The following CALN1 variants were observed in gnomAD, a reference collection of about 807,000 sequenced individuals.
CALN1 encodes calneuron 1.
In CALN1, 17 loss-of-function variants were observed where a neutral mutation model predicts 30.6. The ratio of observed to expected loss-of-function variants is 0.56; its 90% CI spans 0.38 to 0.83. The LOEUF is 0.83. Ranked by LOEUF, CALN1 falls within the 40% of genes least tolerant of loss-of-function variation. The pLI, the probability that CALN1 is intolerant of heterozygous loss-of-function variation, is 0.00. For synonymous variants in CALN1, 156 were observed against 131.4 expected (o/e 1.19, Z -1.28); for missense variants, 291 against 354.9 (o/e 0.82, Z 1.45).
intron 5 of CALN1, among the ~76,000 whole-genome samples, chr7:72,007,628 T>C (rs1482168545): frequency 6.6e-6 from 1 of 152,232 alleles, no homozygotes; most frequent in African/African-American, 2.4e-5. Context: ...AATGCCTATC[T>C]TTCTCCTACC....
chr7:72,057,383 CTTTTTTTTTTTTTT>C (rs60838093), intron 4 of CALN1, among the ~76,000 whole-genome samples: 1 of 101,910 alleles, frequency 9.8e-6, no homozygotes, highest in Non-Finnish European at 1.9e-5. Flanking sequence ...TTTAAATGTT[CTTTTTTTTTTTTTT>C]TTTTTTTGAT....
At chr7:72,347,470 C>T (rs2968512) in intron 2 of CALN1, among the ~76,000 whole-genome samples, 114,843 of 151,706 alleles carry the variant, frequency 0.76, 45,509 homozygotes, top group Non-Finnish European at 0.88. Context: ...TTCTCTATGT[C>T]GGTCAGGCTG....
Position 71,935,968 on chromosome 7 carries a change from G to A in CALN1, c.501+87689C>T, listed in dbSNP as rs889238884. Among the ~76,000 whole-genome samples the A allele has an allele frequency of 4.6e-5, 7 of 152,148 alleles. No homozygotes were observed. In the South Asian group the frequency reaches 1.5e-3, roughly 32 times the overall value. On this transcript the variant is annotated intron_variant, in intron 5 of 6. Transcript: ENST00000395275. ...GCAGTGCAGGCAAGGAGGGAGTGTT[G>A]ACCTGTCAGTGTAGTAGAGACTCCC...
At chr7:72,262,965 T>C (rs1357667366) in intron 3 of CALN1, among the ~76,000 whole-genome samples, 1 of 152,212 alleles carries the variant, frequency 6.6e-6, no homozygotes, top group Admixed American at 6.5e-5. Context: ...ATTCTTCCAT[T>C]TACTGACAGG....
intron 2 of CALN1, among the ~76,000 whole-genome samples, chr7:72,343,392 CA>C (rs1802473144): frequency 6.6e-6 from 1 of 151,892 alleles, no homozygotes; most frequent in Non-Finnish European, 1.5e-5. Flanking sequence ...ACTGTAAATA[CA>C]AAAAATTAGC....
intron 5 of CALN1, among the ~76,000 whole-genome samples, chr7:71,974,417 C>G (rs541988017): frequency 1.1e-4 from 6 of 55,048 alleles, no homozygotes; most frequent in South Asian, 2.4e-3. Context: ...GACTCCATCT[C>G]AAAAAAAAAA....
At chr7:71,944,871 G>A (rs1796328087) in intron 5 of CALN1, among the ~76,000 whole-genome samples, 1 of 152,104 alleles carries the variant, frequency 6.6e-6, no homozygotes, top group Admixed American at 6.6e-5. Context: ...AGAAGAGTTA[G>A]GAGGCAGGAG....
intron 3 of CALN1, among the ~76,000 whole-genome samples, chr7:72,196,203 T>C (rs1790987844): frequency 6.6e-6 from 1 of 152,042 alleles, no homozygotes; most frequent in Admixed American, 6.5e-5. Flanking sequence ...CTGTGACCTC[T>C]GCCTCGTGGA....
chr7:72,499,864 T>C, the CALN1 span, among the ~76,000 whole-genome samples: 1 of 60,718 alleles, frequency 1.6e-5, no homozygotes, highest in South Asian at 4.8e-4. Context: ...TTTCTTTCTT[T>C]CTTTCTTTCT....
At position 72,213,415 on chromosome 7, in the gene CALN1, G is replaced by T. The variant is rs144720258; in HGVS notation, c.244+65271C>A. On this transcript the variant is annotated intron_variant, in intron 3 of 6. Coordinates refer to ENST00000395275, the MANE Select transcript of CALN1 (RefSeq NM_031468.4). The stretch of plus-strand genomic sequence containing the variant: ...GGCACATCTACAGAAGCAGAAAATA[G>T]ATTAGTGGTTGCCTGGGGCTGGGAG... Among the ~76,000 whole-genome samples, 3 of 152,302 alleles carry T rather than the reference G, an allele frequency of 2.0e-5. No individual in the cohort carries two copies. In the East Asian group the frequency reaches 5.8e-4, roughly 29 times the overall value.
intron 6 of CALN1, among the ~76,000 whole-genome samples, chr7:71,795,077 C>G (rs559554691): frequency 6.7e-5 from 10 of 148,184 alleles, no homozygotes; most frequent in South Asian, 2.1e-4. Context: ...GGCTGGAGTG[C>G]AGTGGCACGA....
chr7:72,041,366 G>C (rs1449067177), intron 4 of CALN1, among the ~76,000 whole-genome samples: 1 of 151,822 alleles, frequency 6.6e-6, no homozygotes, highest in Non-Finnish European at 1.5e-5. Context: ...CTGTGTCCCT[G>C]TCCCCGCCCA....
chr7:72,183,584 G>A (rs969031769), intron 3 of CALN1, among the ~76,000 whole-genome samples: 4 of 152,144 alleles, frequency 2.6e-5, no homozygotes, highest in African/African-American at 9.7e-5. Flanking sequence ...ACAGGAAGTC[G>A]CTGAAATGCA....
intron 2 of CALN1, among the ~76,000 whole-genome samples, chr7:72,396,689 G>A (rs1585655730): frequency 1.3e-5 from 2 of 152,104 alleles, no homozygotes; most frequent in Non-Finnish European, 2.9e-5. Flanking sequence ...TGGGTGGGTA[G>A]GGAGTTGAAG....
chr7:72,127,577 T>C (rs1257334314), intron 3 of CALN1, among the ~76,000 whole-genome samples: 1 of 152,136 alleles, frequency 6.6e-6, no homozygotes, highest in Non-Finnish European at 1.5e-5. Flanking sequence ...AACGTATATA[T>C]GGGTTTTAAG....
chr7:71,939,171 C>T (rs1267420037), intron 5 of CALN1, among the ~76,000 whole-genome samples: 1 of 152,074 alleles, frequency 6.6e-6, no homozygotes, highest in Non-Finnish European at 1.5e-5. Context: ...ATTAGGAATA[C>T]TAGGTCATAT....
At chr7:72,359,022 C>T (rs1341272926) in intron 2 of CALN1, among the ~76,000 whole-genome samples, 1 of 151,938 alleles carries the variant, frequency 6.6e-6, no homozygotes, top group Non-Finnish European at 1.5e-5. Context: ...CACCTCATCA[C>T]AGTGCATCCT....
chr7:71,799,459 TTAG>T (rs1477048721), intron 6 of CALN1, among the ~76,000 whole-genome samples: 1 of 148,254 alleles, frequency 6.7e-6, no homozygotes, highest in African/African-American at 2.6e-5. Context: ...ATTTAGTTAG[TTAG>T]TTAGTTAGTT....
At chr7:72,363,891 T>C (rs1205299535) in intron 2 of CALN1, among the ~76,000 whole-genome samples, 1 of 151,668 alleles carries the variant, frequency 6.6e-6, no homozygotes, top group African/African-American at 2.4e-5. Flanking sequence ...GGCACCACCA[T>C]GCCCAGCTAA....
Sources: allele counts gnomAD v4.1 joint callset (sites outside exome capture counted in the v4.1 genomes callset), GRCh38; gene constraint gnomAD v4.1.1; transcripts MANE v1.5; gene names NCBI Gene and HGNC (gene_info 2026-07-23, HGNC 2026-07-21).